Variants in PLEKHG5 observed in about 807,000 individuals in gnomAD.
PLEKHG5 encodes the protein pleckstrin homology domain-containing family G member 5.
In PLEKHG5, 52 loss-of-function variants were observed where a neutral mutation model predicts 103.8. That is an observed-to-expected ratio of 0.50 (90% CI 0.40 to 0.63). The LOEUF (loss-of-function observed/expected upper bound fraction) is 0.63, where lower values mean the gene tolerates loss of function less well. PLEKHG5 is among the 30% of genes least tolerant of loss of function. PLEKHG5 has a pLI of 0.00. For missense variants in PLEKHG5, 1,205 were observed against 1,347.6 expected, an observed-to-expected ratio of 0.89 and a Z score of 1.66; for synonymous variants, 592 against 575.5, an observed-to-expected ratio of 1.03 and a Z score of -0.41.
chr1:6,475,225 TTCCCAACCCTCC>T, intron 4 of PLEKHG5, 87 bp from the exon 5 acceptor site: 2 of 357,404 alleles, frequency 5.6e-6, no homozygotes, highest in South Asian at 3.6e-5. Context: ...CCCACCCTCC[TTCCCAACCCTCC>T]TCCCCACCCT....
chr1:6,516,866 G>GTGTGTGTGTATA (rs1288870331), intron 1 of PLEKHG5, among the ~76,000 whole-genome samples: 89 of 25,854 alleles, frequency 3.4e-3, no homozygotes, highest in Non-Finnish European at 0.01. Context: ...GTATATATGT[G>GTGTGTGTGTATA]TATATATATA....
At chr1:6,516,918 A>ACACACC (rs1557774944) in intron 1 of PLEKHG5, among the ~76,000 whole-genome samples, 1 of 52,056 alleles carries the variant, frequency 1.9e-5, no homozygotes, top group African/African-American at 3.8e-5. Context: ...ACACACACAC[A>ACACACC]CACACACATG....
At chr1:6,498,438 G>A (rs1026893930), upstream of PLEKHG5, among the ~76,000 whole-genome samples, 9 of 152,138 alleles carry the variant, frequency 5.9e-5, no homozygotes, top group Non-Finnish European at 1.2e-4. Flanking sequence ...AAAGTAGCAC[G>A]GATCCCGGGT....
intron 1 of PLEKHG5, chr1:6,485,273 A>C (rs1569937835): frequency 8.3e-7 from 1 of 1,206,552 alleles, no homozygotes; most frequent in African/African-American, 1.6e-5. Flanking sequence ...GGGCGGCTGC[A>C]GGCGAGAACT....
chr1:6,519,574 C>A (rs1346342759), exon 1 of PLEKHG5: 1 of 1,235,334 alleles, frequency 8.1e-7, no homozygotes, highest in Non-Finnish European at 1.2e-6. Flanking sequence ...TGCCACAGGC[C>A]TCTCTAATCA....
upstream of PLEKHG5, chr1:6,497,290 C>T: frequency 1.0e-6 from 1 of 985,794 alleles, no homozygotes. The surrounding 1 kb of genome is among the most constrained non-coding windows in gnomAD (Gnocchi z 6.1). Context: ...GACCCCGCCC[C>T]GCGTCCGCCG....
At chr1:6,499,206 G>C (rs147120635), upstream of PLEKHG5, among the ~76,000 whole-genome samples, 2 of 152,144 alleles carry the variant, frequency 1.3e-5, no homozygotes, top group African/African-American at 4.8e-5. Flanking sequence ...TATTCTGAAG[G>C]CTCCGGGCCA....
upstream of PLEKHG5, among the ~76,000 whole-genome samples, chr1:6,494,231 G>T (rs1022211782): frequency 6.7e-6 from 1 of 148,472 alleles, no homozygotes; most frequent in African/African-American, 2.5e-5. Context: ...CCCAGGTTCA[G>T]GCAATTCTCC....
chr1:6,519,262 T>C (rs2148642405), intron 1 of PLEKHG5, among the ~76,000 whole-genome samples: 1 of 152,298 alleles, frequency 6.6e-6, no homozygotes, highest in East Asian at 1.9e-4. Context: ...CTTGGAGGGC[T>C]TAACTCACTG....
rs370956089 is a variant in PLEKHG5 at position 6,473,182 on chromosome 1, G to T, written c.796-8C>A. On this transcript the variant is annotated splice_region_variant and splice_polypyrimidine_tract_variant and intron_variant, in intron 8 of 20. Coordinates refer to ENST00000377728, the MANE Select transcript of PLEKHG5 (RefSeq NM_020631.6). ...CTCCATCTTGTCTACCTCCTGGAAA[G>T]ATACCCTGGTCAGGGTCAGGGGTCA... is the stretch of plus-strand genomic sequence containing the variant. The T allele has an allele frequency of 2.5e-6, 4 of 1,613,504 alleles. No homozygotes were observed. The South Asian group carries it at 4.4e-5, about 18-fold the overall frequency.
At chr1:6,481,554 AATAAATAAATAT>A (rs1367047060) in intron 1 of PLEKHG5, among the ~76,000 whole-genome samples, 12 of 143,338 alleles carry the variant, frequency 8.4e-5, no homozygotes, top group African/African-American at 2.7e-4. Flanking sequence ...TAAATAAATA[AATAAATAAATAT>A]ATAAGTAAAT....
At chr1:6,482,687 G>GATA (rs2148608514) in intron 1 of PLEKHG5, among the ~76,000 whole-genome samples, 1 of 152,236 alleles carries the variant, frequency 6.6e-6, no homozygotes, top group South Asian at 2.1e-4. Context: ...CTGGATCCCA[G>GATA]ATTATTATTT....
rs1645300858 is a variant in PLEKHG5, at chr1:6,501,930, G to A, written c.-164-5361C>T. ...ACCCTCCACTCCGATGAACCCTTCTGTCTCAAGAAAACAGGCCCTCCCTGC... is the reference window on the plus strand; with the variant it reads ...ACCCTCCACTCCGATGAACCCTTCTATCTCAAGAAAACAGGCCCTCCCTGC... On this transcript the variant is annotated intron_variant, in intron 1 of 21. Coordinates refer to the PLEKHG5 transcript ENST00000377740. This position sits in a 1 kb window ranked among gnomAD's most constrained non-coding sequence, Gnocchi z 4.3. Among the ~76,000 whole-genome samples, 1 of 152,198 alleles carries A rather than the reference G, an allele frequency of 6.6e-6. No homozygotes were observed. The highest frequency in any genetic ancestry group is 2.4e-5 in the African/African-American group (1 of 41,446).
In PLEKHG5 at chr1:6,468,219, G is replaced by T; in HGVS notation, c.2617C>A (p.Leu873Met). The change falls in exon 20 of 21, where the codon CTG becomes ATG. Residue 873 changes from leucine to methionine, a missense_variant. Transcript: ENST00000377728. ...CTGGCCTCGGACTTAGACTTGAGCA[G>T]GTGGGGCGGGCAGCTCAACAGCTGG... ...PVQLLSCPPH[L>M]LKSKSEASLL... 1 of 1,588,544 alleles carries T rather than the reference G, an allele frequency of 6.3e-7. No individual in the cohort carries two copies. Among genetic ancestry groups the T allele is most frequent in the Non-Finnish European group, 8.6e-7 (1 of 1,164,936 alleles).
intron 1 of PLEKHG5, among the ~76,000 whole-genome samples, chr1:6,480,796 G>A (rs748569041): frequency 6.1e-4 from 92 of 151,810 alleles, no homozygotes; most frequent in Non-Finnish European, 1.2e-3. Context: ...CTACAGGCAT[G>A]TACCACCATA....
chr1:6,474,841 A>G (rs1421411098), intron 5 of PLEKHG5: 5 of 671,268 alleles, frequency 7.4e-6, no homozygotes, highest in African/African-American at 5.3e-5. Flanking sequence ...TCCTGCATAC[A>G]TGATTAAAAT....
intron 1 of PLEKHG5, among the ~76,000 whole-genome samples, chr1:6,502,696 C>T (rs1002098862): frequency 3.9e-5 from 6 of 152,202 alleles, no homozygotes; most frequent in Non-Finnish European, 7.3e-5. Context: ...TCCCAATTCC[C>T]GACAGTCACA....
At chr1:6,504,568 T>C (rs887772496) in intron 1 of PLEKHG5, among the ~76,000 whole-genome samples, 1 of 124,558 alleles carries the variant, frequency 8.0e-6, no homozygotes, top group African/African-American at 3.8e-5. Context: ...CTCTCTTTTT[T>C]TTTCTTTTTT....
intron 1 of PLEKHG5, among the ~76,000 whole-genome samples, chr1:6,477,934 G>A (rs1644806945): frequency 6.6e-6 from 1 of 152,076 alleles, no homozygotes; most frequent in African/African-American, 2.4e-5. Flanking sequence ...AGACTGGAGT[G>A]CAATGGCTTG....
Sources: allele counts gnomAD v4.1 joint callset (sites outside exome capture counted in the v4.1 genomes callset), GRCh38; gene constraint gnomAD v4.1.1; non-coding constraint Gnocchi (gnomAD v3.1); transcripts MANE v1.5; gene names NCBI Gene and HGNC (gene_info 2026-07-23, HGNC 2026-07-21).